PLXNA4: variants seen among roughly 807,000 people sequenced by gnomAD.
The protein encoded by PLXNA4 is plexin-A4.
In PLXNA4, 44 loss-of-function variants were observed where a neutral mutation model predicts 191.8. The ratio of observed to expected loss-of-function variants is 0.23; its 90% CI spans 0.18 to 0.29. The LOEUF (loss-of-function observed/expected upper bound fraction) is 0.29. Ranked by LOEUF, PLXNA4 falls within the 10% of genes least tolerant of loss-of-function variation. The pLI is 1.00. For missense variants in PLXNA4, 1,800 were observed against 2,488.8 expected, an observed-to-expected ratio of 0.72 and a Z score of 5.89; for synonymous variants, 1,082 against 1,009.5, an observed-to-expected ratio of 1.07 and a Z score of -1.36.
chr7:132,347,421 G>A (rs1192772684), intron 3 of PLXNA4, among the ~76,000 whole-genome samples: 6 of 152,202 alleles, frequency 3.9e-5, no homozygotes, highest in African/African-American at 7.2e-5. Flanking sequence ...CCACAAGGGC[G>A]AGCCTGTTCA....
intron 3 of PLXNA4, among the ~76,000 whole-genome samples, chr7:132,446,631 A>G (rs1329644781): frequency 2.0e-5 from 3 of 152,216 alleles, no homozygotes; most frequent in Non-Finnish European, 4.4e-5. Flanking sequence ...CTTTTAAACA[A>G]GAACATAGAG....
chr7:132,409,327 G>A (rs769219949), intron 3 of PLXNA4, among the ~76,000 whole-genome samples: 3 of 152,156 alleles, frequency 2.0e-5, no homozygotes, highest in Non-Finnish European at 4.4e-5. Context: ...CAGATCCCAT[G>A]TCCTATAACC....
rs575820224 is a variant in PLXNA4, at chr7:132,234,467, T to C, written c.1605-5998A>G. Among the ~76,000 whole-genome samples, 15 of 152,290 alleles carry C rather than the reference T, an allele frequency of 9.8e-5. No homozygotes were observed. The East Asian group carries it at 2.9e-3, about 29-fold the overall frequency. On this transcript the variant is annotated intron_variant, in intron 5 of 31. Transcript: ENST00000321063. ...TCAGAGGTAGGCCAGCTCCTCTGGT[T>C]GTCCACAGGTATCCAAGTCAATAGA...
At chr7:132,242,219 C>T (rs146814748) in intron 4 of PLXNA4, among the ~76,000 whole-genome samples, 209 of 151,410 alleles carry the variant, frequency 1.4e-3, no homozygotes, top group Non-Finnish European at 2.2e-3. Context: ...ATGGAGAATC[C>T]TGCCTGATGT....
Position 132,179,603 on chromosome 7 carries a change from T to C in PLXNA4, c.3874+84A>G, listed in dbSNP as rs184273878. On this transcript the variant is annotated intron_variant, in intron 20 of 31. Coordinates refer to ENST00000321063, the MANE Select transcript of PLXNA4 (RefSeq NM_020911.2). The stretch of plus-strand genomic sequence containing the variant: ...CCTGCTTGTTTGTATATGAAACATA[T>C]GCATACACATACACAGATGTGCATG... 1,596 of 1,536,278 alleles carry C rather than the reference T, an allele frequency of 1.0e-3. 4 individuals are homozygous for C. Among genetic ancestry groups the C allele is most frequent in the South Asian group, 1.8e-3 (142 of 80,704 alleles).
chr7:132,484,895 G>C (rs780482009), intron 3 of PLXNA4: 2 of 1,614,190 alleles, frequency 1.2e-6, no homozygotes, highest in Non-Finnish European at 8.5e-7. Context: ...TTTGTGACTT[G>C]AGCACTGAAG....
intron 3 of PLXNA4, among the ~76,000 whole-genome samples, chr7:132,321,108 T>C (rs1215585062): frequency 6.6e-6 from 1 of 152,184 alleles, no homozygotes; most frequent in African/African-American, 2.4e-5. Context: ...AGCACTGTTT[T>C]TCTCCGGCTG....
At chr7:132,461,614 C>A (rs752936842) in intron 3 of PLXNA4, among the ~76,000 whole-genome samples, 3 of 152,210 alleles carry the variant, frequency 2.0e-5, no homozygotes, top group Non-Finnish European at 4.4e-5. Context: ...CAACACACAT[C>A]CATATCCTAA....
At chr7:132,592,019 CA>C (rs1355938760) in intron 2 of PLXNA4, among the ~76,000 whole-genome samples, 1 of 152,046 alleles carries the variant, frequency 6.6e-6, no homozygotes, top group Non-Finnish European at 1.5e-5. Context: ...AAGGGGTGAA[CA>C]AGAGCAAGGA....
chr7:132,171,401 T>C (rs890405309), intron 21 of PLXNA4, among the ~76,000 whole-genome samples: 61 of 152,190 alleles, frequency 4.0e-4, no homozygotes, highest in African/African-American at 1.4e-3. Flanking sequence ...GTCCTCCCCA[T>C]CTTTCACCAT....
intron 1 of PLXNA4, among the ~76,000 whole-genome samples, chr7:132,512,323 G>C (rs986681655): frequency 6.6e-6 from 1 of 152,198 alleles, no homozygotes; most frequent in African/African-American, 2.4e-5. Context: ...TCTCTAGTCT[G>C]CAAGAGGTGA....
intron 4 of PLXNA4, among the ~76,000 whole-genome samples, chr7:132,241,499 T>C (rs1018125426): frequency 2.0e-5 from 3 of 152,210 alleles, no homozygotes; most frequent in Admixed American, 6.5e-5. Flanking sequence ...TCTCTACAAA[T>C]GGCCAATTCA....
At chr7:132,422,097 C>T (rs1244955957) in intron 3 of PLXNA4, among the ~76,000 whole-genome samples, 12 of 152,238 alleles carry the variant, frequency 7.9e-5, no homozygotes, top group Non-Finnish European at 1.3e-4. Flanking sequence ...GAATGATTTG[C>T]TCAGTTGGTT....
chr7:132,187,089 A>G (rs549270858), intron 15 of PLXNA4, among the ~76,000 whole-genome samples: 1 of 152,188 alleles, frequency 6.6e-6, no homozygotes, highest in African/African-American at 2.4e-5. Context: ...GATCCCACCC[A>G]GGAACTGAAG....
At position 132,287,800 on chromosome 7, in the gene PLXNA4, G is replaced by A. The variant is rs1451032909; in HGVS notation, c.1503+10291C>T. Among the ~76,000 whole-genome samples the A allele has an allele frequency of 1.1e-4, 17 of 152,252 alleles. 1 individual carries two copies. The East Asian group carries it at 2.1e-3, about 19-fold the overall frequency. ...TGCCACCCAGGGCTCCATGTACCCC[G>A]GGATGCCCTAGAGGTTGCAAAGGGG... On this transcript the variant is annotated intron_variant, in intron 4 of 31. Coordinates refer to ENST00000321063, the MANE Select transcript of PLXNA4 (RefSeq NM_020911.2).
intron 2 of PLXNA4, among the ~76,000 whole-genome samples, chr7:132,622,658 T>A (rs1378190456): frequency 1.3e-5 from 2 of 152,226 alleles, no homozygotes; most frequent in Non-Finnish European, 2.9e-5. Flanking sequence ...ACTCCAGTTG[T>A]TGGTCAGCGC....
At chr7:132,604,006 GC>G (rs1802871829) in intron 2 of PLXNA4, among the ~76,000 whole-genome samples, 2 of 152,144 alleles carry the variant, frequency 1.3e-5, no homozygotes, top group Non-Finnish European at 2.9e-5. Context: ...ACGATAACAT[GC>G]CTAAAGTGCC....
intron 3 of PLXNA4, among the ~76,000 whole-genome samples, chr7:132,468,076 G>A (rs2117397364): frequency 6.6e-6 from 1 of 152,240 alleles, no homozygotes; most frequent in Non-Finnish European, 1.5e-5. Context: ...GACCGAGTTG[G>A]AATAAACCCC....
At chr7:132,332,167 G>A (rs1285690389) in intron 3 of PLXNA4, among the ~76,000 whole-genome samples, 2 of 152,184 alleles carry the variant, frequency 1.3e-5, no homozygotes, top group African/African-American at 2.4e-5. Flanking sequence ...TGAAGGGAGT[G>A]GAAGGAACCC....
Sources: allele counts gnomAD v4.1 joint callset (sites outside exome capture counted in the v4.1 genomes callset), GRCh38; gene constraint gnomAD v4.1.1; transcripts MANE v1.5; gene names NCBI Gene and HGNC (gene_info 2026-07-23, HGNC 2026-07-21).